LUZP2: variants seen among roughly 807,000 people sequenced by gnomAD.
LUZP2 encodes leucine zipper protein 2.
In LUZP2, 52 loss-of-function variants were observed where a neutral mutation model predicts 51.6. That is an observed-to-expected ratio of 1.01 (90% confidence interval 0.81 to 1.27). The LOEUF (loss-of-function observed/expected upper bound fraction) is 1.27. Among genes scored for constraint, LUZP2 ranks in the 50% most tolerant of loss-of-function variants. LUZP2 has a pLI of 0.00. For synonymous variants in LUZP2, 154 were observed against 137.3 expected (o/e 1.12, Z -0.85); for missense variants, 436 against 395.4 (o/e 1.10, Z -0.87).
chr11:25,059,864 T>C (rs1208756670), intron 10 of LUZP2, among the ~76,000 whole-genome samples: 1 of 152,184 alleles, frequency 6.6e-6, no homozygotes, highest in African/African-American at 2.4e-5. Context: ...TGAGTATCAG[T>C]GCTTCTATTA....
intron 1 of LUZP2, among the ~76,000 whole-genome samples, chr11:24,639,869 C>A (rs1855224021): frequency 1.3e-5 from 2 of 151,892 alleles, no homozygotes; most frequent in South Asian, 4.1e-4. Flanking sequence ...CCTTCCTCTC[C>A]TCACTACCCT....
At chr11:24,589,800 A>G (rs892249487) in intron 1 of LUZP2, among the ~76,000 whole-genome samples, 15 of 151,984 alleles carry the variant, frequency 9.9e-5, no homozygotes, top group African/African-American at 3.6e-4. Flanking sequence ...TTTTTCTTCA[A>G]TTTGGCTTAT....
rs113682903 is a variant in LUZP2 at position 25,078,949 on chromosome 11, G to A, written c.*291G>A. ...ATGCTATCTAACATGTAATTCTCCC[G>A]GTTCATTTGGATATCTAGTACTTCT... On this transcript the variant is annotated 3_prime_UTR_variant, in exon 12 of 12. Coordinates refer to ENST00000336930, the MANE Select transcript of LUZP2 (RefSeq NM_001009909.4). 1,800 of 254,906 alleles carry A rather than the reference G, an allele frequency of 7.1e-3. 31 individuals carry two copies. The highest frequency in any genetic ancestry group is 0.038 in the African/African-American group (1,650 of 43,710). 15.8% of individuals were successfully genotyped at this position (254,906 alleles called of 1,614,324 possible). A position where few individuals can be genotyped will look rare whatever the true frequency, so the allele number is the denominator to read the frequency against.
chr11:24,541,863 G>A (rs1212416005), intron 1 of LUZP2, among the ~76,000 whole-genome samples: 1 of 151,504 alleles, frequency 6.6e-6, no homozygotes, highest in Non-Finnish European at 1.5e-5. Flanking sequence ...CTAAAATTAA[G>A]CAACTTTACC....
At chr11:24,723,919 A>G (rs1306982761) in intron 1 of LUZP2, among the ~76,000 whole-genome samples, 1 of 152,198 alleles carries the variant, frequency 6.6e-6, no homozygotes, top group Non-Finnish European at 1.5e-5. Context: ...TTGATATCAT[A>G]TTAAATGAAT....
At position 24,663,418 on chromosome 11, in the gene LUZP2, G is replaced by A. The variant is rs184171673; in HGVS notation, c.63-65751G>A. Among the ~76,000 whole-genome samples the A allele has an allele frequency of 4.6e-5, 7 of 152,208 alleles. No homozygotes were observed. The East Asian group carries it at 5.8e-4, about 13-fold the overall frequency. ...GCATCCCAACCATGCTTCCTGTATA[G>A]CCTGTGGAACTATGAGTCAATTAAA... On this transcript the variant is annotated intron_variant, in intron 1 of 11. Transcript: ENST00000336930.
intron 1 of LUZP2, among the ~76,000 whole-genome samples, chr11:24,500,420 A>G (rs1422620147): frequency 6.6e-6 from 1 of 152,240 alleles, no homozygotes; most frequent in African/African-American, 2.4e-5. Context: ...TGTTGGTTTA[A>G]TAGCTTTGGA....
At chr11:24,636,456 T>C (rs1180205441) in intron 1 of LUZP2, among the ~76,000 whole-genome samples, 1 of 152,076 alleles carries the variant, frequency 6.6e-6, no homozygotes, top group African/African-American at 2.4e-5. Context: ...ATAAAATGAG[T>C]GATTTCTCTG....
At position 24,653,311 on chromosome 11, in the gene LUZP2, A is replaced by G. The variant is rs191249176; in HGVS notation, c.63-75858A>G. On this transcript the variant is annotated intron_variant, in intron 1 of 11. Transcript: ENST00000336930. Reference sequence around the variant, plus strand: ...GAATTGAATGTTGGGAGTGAGACAGATAAGTCACAGGAAACCATAAGATTT... The same window carrying G: ...GAATTGAATGTTGGGAGTGAGACAGGTAAGTCACAGGAAACCATAAGATTT... Among the ~76,000 whole-genome samples the G allele has an allele frequency of 2.4e-3, 372 of 152,324 alleles. 2 individuals carry two copies. Among genetic ancestry groups the G allele is most frequent in the African/African-American group, 8.7e-3 (362 of 41,578 alleles).
At chr11:25,062,806 C>A (rs1423710882) in intron 10 of LUZP2, among the ~76,000 whole-genome samples, 2 of 150,936 alleles carry the variant, frequency 1.3e-5, no homozygotes, top group African/African-American at 4.9e-5. Context: ...TATATGCTAC[C>A]AGATTAAGCA....
At chr11:24,838,587 G>GCC (rs1850929377) in intron 5 of LUZP2, among the ~76,000 whole-genome samples, 1 of 151,642 alleles carries the variant, frequency 6.6e-6, no homozygotes, top group African/African-American at 2.4e-5. Flanking sequence ...TAGGGAACAA[G>GCC]CTAAGAGCAT....
intron 5 of LUZP2, among the ~76,000 whole-genome samples, chr11:24,818,122 A>G (rs923217): frequency 0.5 from 76,363 of 151,756 alleles, 20,024 homozygotes; most frequent in East Asian, 0.64. Flanking sequence ...GTCTCTTTAA[A>G]TGGATTGGCA....
rs147204516 is a variant in LUZP2 at position 24,718,814 on chromosome 11, A to G, written c.63-10355A>G. Among the ~76,000 whole-genome samples, 3 of 152,352 alleles carry G rather than the reference A, an allele frequency of 2.0e-5. No homozygotes were observed. In the East Asian group the frequency reaches 5.8e-4, roughly 29 times the overall value. On this transcript the variant is annotated intron_variant, in intron 1 of 11. Transcript: ENST00000336930. ...TTGGAGATTTTGTGCTGTGAAATCA[A>G]GTGTTAAGGCTATACAGTGTACAAC...
chr11:24,953,336 G>A (rs532950158), intron 7 of LUZP2, among the ~76,000 whole-genome samples: 5 of 151,924 alleles, frequency 3.3e-5, no homozygotes, highest in Admixed American at 6.6e-5. Context: ...TGATATTCAA[G>A]CAGATTCACA....
At chr11:24,919,887 G>A (rs9705142) in intron 7 of LUZP2, among the ~76,000 whole-genome samples, 1 of 151,344 alleles carries the variant, frequency 6.6e-6, no homozygotes, top group African/African-American at 2.4e-5. Flanking sequence ...TTGAATTTAA[G>A]AATTATTTTA....
intron 9 of LUZP2, among the ~76,000 whole-genome samples, chr11:24,984,549 T>TATATATATATATATATATAAAA (rs60530495): frequency 1.8e-4 from 13 of 71,202 alleles, no homozygotes; most frequent in African/African-American, 6.2e-4. Context: ...TATATATATA[T>TATATATATATATATATATAAAA]AATTGTGAAT....
At position 24,747,431 on chromosome 11, in the gene LUZP2, A is replaced by G. The variant is rs148016832; in HGVS notation, c.333+9129A>G. On this transcript the variant is annotated intron_variant, in intron 4 of 11. Coordinates refer to ENST00000336930, the MANE Select transcript of LUZP2 (RefSeq NM_001009909.4). ...GGGCCTCTCAGCTGTGGATACCAGC[A>G]CCTGTTCTGGTGGAGGTGGCAGTTG... Among the ~76,000 whole-genome samples the G allele has an allele frequency of 4.3e-3, 653 of 152,168 alleles. 1 individual carries two copies. The highest frequency in any genetic ancestry group is 0.014 in the African/African-American group (581 of 41,522).
At chr11:24,767,954 C>T (rs1860256548) in intron 5 of LUZP2, among the ~76,000 whole-genome samples, 1 of 144,394 alleles carries the variant, frequency 6.9e-6, no homozygotes, top group Admixed American at 7.1e-5. Flanking sequence ...TCAAAACACC[C>T]TTTCTATAGT....
chr11:24,985,518 A>G (rs751862312), intron 9 of LUZP2, among the ~76,000 whole-genome samples: 3 of 151,796 alleles, frequency 2.0e-5, no homozygotes, highest in Non-Finnish European at 4.4e-5. Context: ...CCATGTGACA[A>G]TCTTCTGACC....
Sources: gnomAD v4.1 joint callset for allele counts (sites outside exome capture counted in the v4.1 genomes callset) on GRCh38, gnomAD v4.1.1 for gene constraint, MANE v1.5 for transcripts, NCBI Gene and HGNC (gene_info 2026-07-23, HGNC 2026-07-21) for gene names.